Variants in CEACAM6 observed in about 807,000 individuals in gnomAD.
CEACAM6 encodes the protein cell adhesion molecule CEACAM6.
CEACAM6 carries 21 observed loss-of-function variants against 32.4 expected under a neutral mutation model. That is an observed-to-expected ratio of 0.65 (90% CI 0.46 to 0.93). The LOEUF is 0.93. Among genes scored for constraint, CEACAM6 ranks in the 40% least tolerant of loss-of-function variants. The pLI, the probability that CEACAM6 is intolerant of heterozygous loss-of-function variation, is 0.00. For missense variants in CEACAM6, 406 were observed against 432.2 expected (o/e 0.94, Z 0.54); for synonymous variants, 184 against 174.4 (o/e 1.06, Z -0.43).
rs1332275276 is a variant in CEACAM6 at position 41,761,484 on chromosome 19, AGC to A, written c.662_663del (p.Ala221GlufsTer6). 6 of 1,614,092 alleles carry A rather than the reference AGC, an allele frequency of 3.7e-6. No homozygotes were observed. Among genetic ancestry groups the A allele is most frequent in the Non-Finnish European group, 5.1e-6 (6 of 1,180,044 alleles). Reference protein sequence around the residue: ...GSYECEIQNPASANRSDPVTL... With the variant: ...GSYECEIQNPXSANRSDPVTL... The stretch of plus-strand genomic sequence containing the variant: ...CCTATGAATGTGAAATACAGAACCC[AGC>A]GAGTGCCAACCGCAGTGACCCAGTC... On this transcript the variant is annotated frameshift_variant, in exon 3 of 6. Transcript: ENST00000199764. LOFTEE classifies it high-confidence loss of function.
intron 1 of CEACAM6, 95 bp from the exon 2 acceptor site, chr19:41,756,505 G>A (rs2072886248): frequency 1.3e-6 from 2 of 1,502,760 alleles, no homozygotes; most frequent in South Asian, 1.3e-5. Flanking sequence ...CTCCAACGTG[G>A]AGGGGTGAAG....
intron 4 of CEACAM6, among the ~76,000 whole-genome samples, chr19:41,765,264 A>C (rs1555822293): frequency 2.0e-5 from 3 of 152,224 alleles, no homozygotes; most frequent in African/African-American, 7.2e-5. Context: ...ATCAAATGAG[A>C]TACAGGTAAA....
At chr19:41,758,406 C>T (rs188352657) in intron 2 of CEACAM6, among the ~76,000 whole-genome samples, 2 of 152,294 alleles carry the variant, frequency 1.3e-5, no homozygotes, top group African/African-American at 4.8e-5. Context: ...CTTTAGAGAC[C>T]GGCTCCTGGA....
chr19:41,764,442 A>G (rs1173613496), intron 4 of CEACAM6, among the ~76,000 whole-genome samples: 1 of 151,764 alleles, frequency 6.6e-6, no homozygotes, highest in Non-Finnish European at 1.5e-5. Flanking sequence ...ATATGCCATC[A>G]TGCCTGGCTA....
intron 5 of CEACAM6, among the ~76,000 whole-genome samples, chr19:41,767,023 A>G (rs1003500039): frequency 2.6e-5 from 4 of 151,470 alleles, no homozygotes; most frequent in South Asian, 2.1e-4. Flanking sequence ...AAAAAAAAAA[A>G]AAGAAGCCAA....
At chr19:41,759,775 AC>A (rs2072911781) in intron 2 of CEACAM6, among the ~76,000 whole-genome samples, 1 of 152,190 alleles carries the variant, frequency 6.6e-6, no homozygotes, top group African/African-American at 2.4e-5. Context: ...TTTATTTTTT[AC>A]TATATTCAGA....
chr19:41,761,234 C>T lies in CEACAM6; in HGVS notation c.425-15C>T, dbSNP rs536472575. ...GGTGCCACACAGGGCAATCTTCTCTCTGTTTTCTGCACAGCGGAGCTGCCC... is the reference window on the plus strand; with the variant it reads ...GGTGCCACACAGGGCAATCTTCTCTTTGTTTTCTGCACAGCGGAGCTGCCC... On this transcript the variant is annotated splice_polypyrimidine_tract_variant and intron_variant, in intron 2 of 5. Transcript: ENST00000199764. 3 of 1,614,194 alleles carry T rather than the reference C, an allele frequency of 1.9e-6. No individual in the cohort carries two copies. The South Asian group carries it at 3.3e-5, about 18-fold the overall frequency.
intron 2 of CEACAM6, among the ~76,000 whole-genome samples, chr19:41,758,729 C>T (rs2072904654): frequency 6.6e-6 from 1 of 152,158 alleles, no homozygotes; most frequent in Admixed American, 6.5e-5. Flanking sequence ...CTGCCCTGCA[C>T]AGCTTCCTCC....
intron 3 of CEACAM6, 81 bp from the exon 4 acceptor site, chr19:41,761,888 G>T (rs1473519214): frequency 3.3e-6 from 5 of 1,536,052 alleles, no homozygotes; most frequent in Non-Finnish European, 4.5e-6. Flanking sequence ...GGCTCAGGGG[G>T]ACACCGTGGC....
At chr19:41,765,743 G>A (rs1261462166) in intron 4 of CEACAM6, among the ~76,000 whole-genome samples, 1 of 152,096 alleles carries the variant, frequency 6.6e-6, no homozygotes, top group African/African-American at 2.4e-5. Context: ...CCCCTGGTGG[G>A]AGCCCATGGG....
rs1177720972 is a variant in CEACAM6 at position 41,761,855 on chromosome 19, T to C, written c.704-114T>C. 3.2e-5 allele frequency: 43 copies of C among 1,354,694 alleles called. No homozygotes were observed. In the Admixed American group the frequency reaches 8.7e-4, roughly 27 times the overall value. 83.9% of individuals were successfully genotyped at this position (1,354,694 alleles called of 1,614,324 possible). ...CTCAGGGGACATAGCGGGGGTTTGG[T>C]TGAGACTTCAGGGTTGTGACATGGC... is the stretch of plus-strand genomic sequence containing the variant. On this transcript the variant is annotated intron_variant, in intron 3 of 5. Coordinates refer to ENST00000199764, the MANE Select transcript of CEACAM6 (RefSeq NM_002483.7).
chr19:41,767,450 G>A (rs575895375), intron 5 of CEACAM6, among the ~76,000 whole-genome samples: 3 of 152,292 alleles, frequency 2.0e-5, no homozygotes, highest in Admixed American at 2.0e-4. Context: ...CCCAAGACAG[G>A]AGATAAGACC....
At chr19:41,769,463 G>C (rs201170634) in intron 5 of CEACAM6, among the ~76,000 whole-genome samples, 1 of 152,020 alleles carries the variant, frequency 6.6e-6, no homozygotes, top group African/African-American at 2.4e-5. Context: ...AGCAAGCAGA[G>C]AATTCATTTC....
rs1600497853 is a variant in CEACAM6, at chr19:41,762,084, C to T, written c.819C>T (p.Ile273=). 2.5e-6 allele frequency: 4 copies of T among 1,614,206 alleles called. No homozygotes were observed. Among genetic ancestry groups the T allele is most frequent in the Non-Finnish European group, 3.4e-6 (4 of 1,180,032 alleles). Residue 273 remains isoleucine, a synonymous_variant, in exon 4 of 6, where the codon ATC becomes ATT. Coordinates refer to ENST00000199764, the MANE Select transcript of CEACAM6 (RefSeq NM_002483.7). Reference sequence around the variant, plus strand: ...CACCTGCACAGTACTCTTGGTTTATCAATGGGACGTTCCAGCAATCCACAC... The same window carrying T: ...CACCTGCACAGTACTCTTGGTTTATTAATGGGACGTTCCAGCAATCCACAC... ...SNPPAQYSWF[I]NGTFQQSTQE... is the part of the protein sequence containing the mutation.
At chr19:41,768,722 C>CG (rs1386523867) in intron 5 of CEACAM6, among the ~76,000 whole-genome samples, 1 of 144,318 alleles carries the variant, frequency 6.9e-6, no homozygotes. Context: ...GCTGGCCGGG[C>CG]GGGGGGCTGA....
rs2122920494 is a variant in CEACAM6, at chr19:41,761,962, C to T, written c.704-7C>T. ...CATCACCTGTGGCTTTATTCTGTTT[C>T]CTCCAGATGGCCCAGATGTCCCCAC... On this transcript the variant is annotated splice_region_variant and splice_polypyrimidine_tract_variant and intron_variant, in intron 3 of 5. Transcript: ENST00000199764. 3 of 1,613,790 alleles carry T rather than the reference C, an allele frequency of 1.9e-6. No individual in the cohort carries two copies. The highest frequency in any genetic ancestry group is 1.7e-6 in the Non-Finnish European group (2 of 1,179,726).
chr19:41,761,228 T>C (rs1441097055), intron 2 of CEACAM6, 21 bp from the exon 3 acceptor site: 1 of 1,614,156 alleles, frequency 6.2e-7, no homozygotes, highest in Non-Finnish European at 8.5e-7. Flanking sequence ...CAGGGCAATC[T>C]TCTCTCTGTT....
chr19:41,761,582 C>T, intron 3 of CEACAM6, 55 bp downstream of exon 3: 1 of 1,601,322 alleles, frequency 6.2e-7, no homozygotes, highest in Non-Finnish European at 8.5e-7. Context: ...TCCACACAGC[C>T]AGAGTCCAGG....
At chr19:41,759,596 TTCAGCA>T (rs1244350062) in intron 2 of CEACAM6, among the ~76,000 whole-genome samples, 1 of 152,156 alleles carries the variant, frequency 6.6e-6, no homozygotes, top group Non-Finnish European at 1.5e-5. Flanking sequence ...TCAAACCAAC[TTCAGCA>T]TCTTCATTTG....
Sources: gnomAD v4.1 joint callset for allele counts (sites outside exome capture counted in the v4.1 genomes callset) on GRCh38, gnomAD v4.1.1 for gene constraint, MANE v1.5 for transcripts, NCBI Gene and HGNC (gene_info 2026-07-23, HGNC 2026-07-21) for gene names.